SH3PXD2B: variants seen among roughly 807,000 people sequenced by gnomAD.
The protein encoded by SH3PXD2B is SH3 and PX domain-containing protein 2B.
SH3PXD2B carries 37 observed loss-of-function variants against 73.1 expected under a neutral mutation model. The ratio of observed to expected loss-of-function variants is 0.51; its 90% CI spans 0.39 to 0.67. The LOEUF is 0.67. Among genes scored for constraint, SH3PXD2B ranks in the 30% least tolerant of loss-of-function variants. SH3PXD2B has a pLI of 0.00. For synonymous variants in SH3PXD2B, 457 were observed against 480.5 expected (o/e 0.95, Z 0.64); for missense variants, 1,053 against 1,197.8 (o/e 0.88, Z 1.78).
In SH3PXD2B at chr5:172,334,593, A is replaced by AG. The variant is rs988729097; in HGVS notation, c.*3775dup. 140 of 985,372 alleles carry AG rather than the reference A, an allele frequency of 1.4e-4. No homozygotes were observed. The highest frequency in any genetic ancestry group is 1.6e-4 in the Non-Finnish European group (132 of 829,968). 61.0% of individuals were successfully genotyped at this position (985,372 alleles called of 1,614,324 possible). ...TCCAAAGAGAAAGGTACGGCCTCCA[A>AG]GGGGGCAGCTTAAGCCAACATGTAA... On this transcript the variant is annotated 3_prime_UTR_variant, in exon 13 of 13. Coordinates refer to ENST00000311601, the MANE Select transcript of SH3PXD2B (RefSeq NM_001017995.3).
At chr5:172,420,717 C>G (rs1758944077) in intron 2 of SH3PXD2B, among the ~76,000 whole-genome samples, 1 of 152,206 alleles carries the variant, frequency 6.6e-6, no homozygotes. Context: ...CGACATTTCT[C>G]ACTCATATTG....
chr5:172,350,244 C>T (rs967688261), intron 10 of SH3PXD2B, 119 bp downstream of exon 10: 8 of 968,742 alleles, frequency 8.3e-6, no homozygotes, highest in Non-Finnish European at 1.2e-5. Context: ...GTTTTCTTAT[C>T]TGGAGGATGG....
chr5:172,394,150 G>C (rs934604867), intron 4 of SH3PXD2B, among the ~76,000 whole-genome samples: 4 of 152,150 alleles, frequency 2.6e-5, no homozygotes, highest in Non-Finnish European at 5.9e-5. Context: ...CAACATGTTT[G>C]GTCAGGCTGG....
In SH3PXD2B at chr5:172,445,457, G is replaced by A. The variant is rs1220529962; in HGVS notation, c.75+8821C>T. ...ACTCCTGGGCTCAAGCGATCTTCTCGCCTCAGCCTCCCAAGATGCTGGGAT... is the reference window on the plus strand; with the variant it reads ...ACTCCTGGGCTCAAGCGATCTTCTCACCTCAGCCTCCCAAGATGCTGGGAT... On this transcript the variant is annotated intron_variant, in intron 1 of 12. Coordinates refer to ENST00000311601, the MANE Select transcript of SH3PXD2B (RefSeq NM_001017995.3). This position sits in a 1 kb window ranked among gnomAD's most constrained non-coding sequence, Gnocchi z 5.2. Among the ~76,000 whole-genome samples the A allele has an allele frequency of 6.6e-6, 1 of 152,070 alleles. No individual in the cohort carries two copies. Among genetic ancestry groups the A allele is most frequent in the African/African-American group, 2.4e-5 (1 of 41,404 alleles).
At chr5:172,346,565 G>A (rs1393902954) in intron 11 of SH3PXD2B, among the ~76,000 whole-genome samples, 1 of 152,120 alleles carries the variant, frequency 6.6e-6, no homozygotes, top group Non-Finnish European at 1.5e-5. Flanking sequence ...GGGAGCTTAA[G>A]TTTATTAGTA....
At chr5:172,431,952 G>A (rs1012958960) in intron 1 of SH3PXD2B, among the ~76,000 whole-genome samples, 5 of 152,082 alleles carry the variant, frequency 3.3e-5, no homozygotes, top group Non-Finnish European at 7.4e-5. Context: ...CAAGGTGAGC[G>A]GATCACCTGA....
chr5:172,450,180 T>G (rs928719391), intron 1 of SH3PXD2B, among the ~76,000 whole-genome samples: 7 of 152,220 alleles, frequency 4.6e-5, no homozygotes, highest in Admixed American at 4.6e-4. Context: ...AATTGCACAC[T>G]TACAATGGGT....
chr5:172,407,102 A>G (rs563410631), intron 2 of SH3PXD2B, among the ~76,000 whole-genome samples: 7 of 152,200 alleles, frequency 4.6e-5, no homozygotes, highest in Non-Finnish European at 1.0e-4. Flanking sequence ...GGGTCTTAGG[A>G]AAGTGACAAA....
intron 2 of SH3PXD2B, among the ~76,000 whole-genome samples, chr5:172,415,564 A>G (rs1249904605): frequency 6.6e-6 from 1 of 152,220 alleles, no homozygotes; most frequent in Non-Finnish European, 1.5e-5. Flanking sequence ...TGAAATGGAT[A>G]CAATACTGAC....
intron 5 of SH3PXD2B, among the ~76,000 whole-genome samples, chr5:172,378,709 C>G (rs558426515): frequency 1.3e-5 from 2 of 152,306 alleles, no homozygotes; most frequent in African/African-American, 4.8e-5. Flanking sequence ...TGTCATCAGG[C>G]CCATCTTACA....
chr5:172,362,713 G>C, intron 7 of SH3PXD2B, 22 bp downstream of exon 7: 1 of 1,614,028 alleles, frequency 6.2e-7, no homozygotes, highest in Non-Finnish European at 8.5e-7. Flanking sequence ...TAGTGGGAGA[G>C]GGAGATGGTC....
At chr5:172,439,291 A>C (rs1269577976) in intron 1 of SH3PXD2B, among the ~76,000 whole-genome samples, 4 of 51,308 alleles carry the variant, frequency 7.8e-5, no homozygotes, top group African/African-American at 2.6e-4. Flanking sequence ...CAAAAAAAAA[A>C]CCCCAAAAAA....
At chr5:172,440,518 CAT>C (rs10544857) in intron 1 of SH3PXD2B, among the ~76,000 whole-genome samples, 39,188 of 152,018 alleles carry the variant, frequency 0.26, 5,660 homozygotes, top group Non-Finnish European at 0.34. Flanking sequence ...AGAATTGACA[CAT>C]GTCATCCTCT....
At chr5:172,407,753 C>A (rs1028412296) in intron 2 of SH3PXD2B, among the ~76,000 whole-genome samples, 2 of 152,094 alleles carry the variant, frequency 1.3e-5, no homozygotes, top group East Asian at 3.8e-4. Context: ...AGGGGAGGAC[C>A]CGAAGTGGGA....
Position 172,379,701 on chromosome 5 carries a change from T to C in SH3PXD2B, c.401+2335A>G, listed in dbSNP as rs530319067. On this transcript the variant is annotated intron_variant, in intron 5 of 12. Coordinates refer to ENST00000311601, the MANE Select transcript of SH3PXD2B (RefSeq NM_001017995.3). ...GAGCAGCTGGCAAAGTCTTAGAATT[T>C]TTCCCTGTGGCAGTCACTCAGTCCT... 5.3e-5 allele frequency among the ~76,000 whole-genome samples: 8 copies of C among 152,318 alleles called. No homozygotes were observed. In the South Asian group the frequency reaches 1.7e-3, roughly 32 times the overall value.
intron 2 of SH3PXD2B, among the ~76,000 whole-genome samples, chr5:172,408,570 C>T (rs1201149355): frequency 9.2e-6 from 1 of 108,708 alleles, no homozygotes; most frequent in African/African-American, 3.8e-5. Flanking sequence ...TGGAGTTTCC[C>T]TCTTGTTGCC....
At chr5:172,393,107 A>T (rs1182886681) in intron 4 of SH3PXD2B, among the ~76,000 whole-genome samples, 1 of 152,254 alleles carries the variant, frequency 6.6e-6, no homozygotes, top group Admixed American at 6.5e-5. Flanking sequence ...AAAAGCCTAT[A>T]GAAAAGATTT....
At chr5:172,380,468 T>G (rs993214056) in intron 5 of SH3PXD2B, among the ~76,000 whole-genome samples, 1 of 152,202 alleles carries the variant, frequency 6.6e-6, no homozygotes, top group Admixed American at 6.5e-5. Flanking sequence ...GCTATGAGCC[T>G]GAATGGCAGT....
At chr5:172,428,642 A>G (rs1328729663) in intron 1 of SH3PXD2B, among the ~76,000 whole-genome samples, 3 of 152,196 alleles carry the variant, frequency 2.0e-5, no homozygotes, top group Admixed American at 6.5e-5. Flanking sequence ...CCAGGTTACC[A>G]AACCTAGCCT....
Sources: allele counts gnomAD v4.1 joint callset (sites outside exome capture counted in the v4.1 genomes callset), GRCh38; gene constraint gnomAD v4.1.1; non-coding constraint Gnocchi (gnomAD v3.1); transcripts MANE v1.5; gene names NCBI Gene and HGNC (gene_info 2026-07-23, HGNC 2026-07-21).